Variants in DOCK3 observed in about 807,000 individuals in gnomAD.
The protein encoded by DOCK3 is dedicator of cytokinesis 3.
Under a neutral mutation model 265.6 loss-of-function variants are expected in DOCK3, and 60 were observed. That is an observed-to-expected ratio of 0.23 (90% CI 0.18 to 0.28). The LOEUF (loss-of-function observed/expected upper bound fraction) is 0.28, where lower values mean the gene tolerates loss of function less well. Ranked by LOEUF, DOCK3 falls within the 10% of genes least tolerant of loss-of-function variation. The probability of loss-of-function intolerance (pLI) is 1.00; values close to 1 mark genes in which losing one functional copy is unlikely to be tolerated. For missense variants in DOCK3, 1,981 were observed against 2,594.3 expected, an observed-to-expected ratio of 0.76 and a Z score of 5.14; for synonymous variants, 881 against 938.0, an observed-to-expected ratio of 0.94 and a Z score of 1.11.
chr3:50,747,732 C>T (rs942856350), intron 1 of DOCK3, among the ~76,000 whole-genome samples: 15 of 151,956 alleles, frequency 9.9e-5, no homozygotes, highest in African/African-American at 2.4e-4. Flanking sequence ...GGCATGGTGG[C>T]GCATGCCTAT....
At chr3:51,148,956 T>C (rs185482403) in intron 10 of DOCK3, among the ~76,000 whole-genome samples, 1 of 152,372 alleles carries the variant, frequency 6.6e-6, no homozygotes, top group African/African-American at 2.4e-5. Flanking sequence ...TTCACGATAC[T>C]GATTCTTCCT....
chr3:51,376,474 C>G (rs2088143755), intron 51 of DOCK3, among the ~76,000 whole-genome samples: 1 of 152,218 alleles, frequency 6.6e-6, no homozygotes, highest in South Asian at 2.1e-4. Flanking sequence ...ACCCTGTGTT[C>G]TGCTTCTGCA....
rs566180084 is a variant in DOCK3, at chr3:51,064,698, G to A, written c.464+102G>A. 9.9e-5 allele frequency: 140 copies of A among 1,411,376 alleles called. 2 individuals are homozygous for A. In the East Asian group the frequency reaches 1.7e-3, roughly 17 times the overall value. The allele number at this position is 1,411,376 out of a possible 1,614,324, so 87.4% of individuals were successfully genotyped here. A position where few individuals can be genotyped will look rare whatever the true frequency, so the allele number is the denominator to read the frequency against. On this transcript the variant is annotated intron_variant, in intron 6 of 52. Transcript: ENST00000266037. ...AAAGCTTCTCTTTAATGATTCAAAGGCAATGTTATATTCTTCACTAAGCTT... is the reference window on the plus strand; with the variant it reads ...AAAGCTTCTCTTTAATGATTCAAAGACAATGTTATATTCTTCACTAAGCTT...
chr3:50,755,562 A>G (rs1045430691), intron 1 of DOCK3, among the ~76,000 whole-genome samples: 4 of 152,204 alleles, frequency 2.6e-5, no homozygotes, highest in Non-Finnish European at 4.4e-5. Flanking sequence ...AATATACAAT[A>G]CATTGGTTTT....
At chr3:51,267,447 C>T (rs1245341566) in intron 23 of DOCK3, among the ~76,000 whole-genome samples, 11 of 148,310 alleles carry the variant, frequency 7.4e-5, no homozygotes, top group Admixed American at 4.8e-4. Context: ...TGCAATGGAG[C>T]GATCCCAGCT....
At chr3:51,203,198 T>C (rs2088929149) in intron 12 of DOCK3, among the ~76,000 whole-genome samples, 1 of 151,966 alleles carries the variant, frequency 6.6e-6, no homozygotes, top group African/African-American at 2.4e-5. Flanking sequence ...AAATAAAGGG[T>C]ATTCAATTAG....
chr3:51,328,213 C>CCTGTTTACACTGTTGTACT (rs2084278531), intron 32 of DOCK3, among the ~76,000 whole-genome samples: 1 of 152,092 alleles, frequency 6.6e-6, no homozygotes, highest in Non-Finnish European at 1.5e-5. Flanking sequence ...ACTGTTGTAC[C>CCTGTTTACACTGTTGTACT]CTGTTTACAC....
At chr3:50,921,312 T>G (rs926052345) in intron 4 of DOCK3, among the ~76,000 whole-genome samples, 1 of 152,210 alleles carries the variant, frequency 6.6e-6, no homozygotes, top group Non-Finnish European at 1.5e-5. Context: ...CTTCAGTCAC[T>G]GATACCCTTT....
intron 2 of DOCK3, among the ~76,000 whole-genome samples, chr3:50,796,084 A>G (rs1264929942): frequency 1.3e-5 from 2 of 149,836 alleles, no homozygotes; most frequent in Non-Finnish European, 3.0e-5. Flanking sequence ...TCTGTCCCCC[A>G]GGCTGGAGTG....
chr3:51,383,019 C>T lies in DOCK3; in HGVS notation c.*1460C>T, dbSNP rs1165148394. 6.6e-6 allele frequency: 1 copy of T among 152,148 alleles called. No individual in the cohort carries two copies. The highest frequency in any genetic ancestry group is 1.5e-5 in the Non-Finnish European group (1 of 68,028). 9.4% of individuals were successfully genotyped at this position (152,148 alleles called of 1,614,324 possible). A position where few individuals can be genotyped will look rare whatever the true frequency, so the allele number is the denominator to read the frequency against. On this transcript the variant is annotated 3_prime_UTR_variant, in exon 53 of 53. Coordinates refer to ENST00000266037, the MANE Select transcript of DOCK3 (RefSeq NM_004947.5). ...CACATTAATGATGGTCACAAGGCTGCCTTGTTGGGCAGGCGTATTGCCCCC... is the reference window on the plus strand; with the variant it reads ...CACATTAATGATGGTCACAAGGCTGTCTTGTTGGGCAGGCGTATTGCCCCC...
intron 5 of DOCK3, among the ~76,000 whole-genome samples, chr3:51,012,022 C>T (rs1485964657): frequency 6.6e-6 from 1 of 152,174 alleles, no homozygotes; most frequent in African/African-American, 2.4e-5. Context: ...TGTGAGCTGT[C>T]AGTCTGCCCC....
At chr3:50,939,770 G>T (rs1575578037) in intron 5 of DOCK3, among the ~76,000 whole-genome samples, 1 of 151,988 alleles carries the variant, frequency 6.6e-6, no homozygotes. Context: ...AGCAAATGTG[G>T]TAATGATGAT....
chr3:51,214,289 G>C, intron 14 of DOCK3, 42 bp downstream of exon 14: 1 of 1,607,822 alleles, frequency 6.2e-7, no homozygotes, highest in Non-Finnish European at 8.5e-7. Context: ...GATGGGTTAG[G>C]ATGGAATCTG....
intron 40 of DOCK3, among the ~76,000 whole-genome samples, chr3:51,351,250 A>G (rs967204381): frequency 6.6e-6 from 1 of 152,154 alleles, no homozygotes; most frequent in Non-Finnish European, 1.5e-5. Context: ...CCCAGTTCCA[A>G]TATCTTTAAC....
At chr3:51,367,952 T>A (rs1365528815) in intron 49 of DOCK3, among the ~76,000 whole-genome samples, 1 of 152,216 alleles carries the variant, frequency 6.6e-6, no homozygotes, top group Non-Finnish European at 1.5e-5. Flanking sequence ...CTTTGGTGAA[T>A]CTGACAATTA....
chr3:50,779,791 G>C (rs2041822708), intron 2 of DOCK3, among the ~76,000 whole-genome samples: 1 of 152,154 alleles, frequency 6.6e-6, no homozygotes, highest in African/African-American at 2.4e-5. Context: ...GTGTTCTTCA[G>C]AATCTGTAAT....
chr3:51,370,244 GT>G (rs1285942086), intron 49 of DOCK3, among the ~76,000 whole-genome samples: 1 of 152,200 alleles, frequency 6.6e-6, no homozygotes, highest in East Asian at 1.9e-4. Flanking sequence ...TGCAGAAACA[GT>G]TTCTGTAATC....
chr3:50,922,254 G>T (rs531473396), intron 4 of DOCK3, among the ~76,000 whole-genome samples: 1 of 152,330 alleles, frequency 6.6e-6, no homozygotes, highest in East Asian at 1.9e-4. Flanking sequence ...CCTCAGCAAT[G>T]GCAGACGCCC....
chr3:51,003,877 A>G lies in DOCK3; in HGVS notation c.316-60571A>G, dbSNP rs937467527. Reference sequence around the variant, plus strand: ...TGTGGGGGAAAAACTGCTAGCCACTATAGGATATTACCAAAAAATTAATAC... The same window carrying G: ...TGTGGGGGAAAAACTGCTAGCCACTGTAGGATATTACCAAAAAATTAATAC... On this transcript the variant is annotated intron_variant, in intron 5 of 52. Coordinates refer to ENST00000266037, the MANE Select transcript of DOCK3 (RefSeq NM_004947.5). Among the ~76,000 whole-genome samples the G allele has an allele frequency of 5.9e-5, 9 of 152,214 alleles. No homozygotes were observed. In the East Asian group the frequency reaches 1.7e-3, roughly 29 times the overall value.
Sources: allele counts gnomAD v4.1 joint callset (sites outside exome capture counted in the v4.1 genomes callset), GRCh38; gene constraint gnomAD v4.1.1; transcripts MANE v1.5; gene names NCBI Gene and HGNC (gene_info 2026-07-23, HGNC 2026-07-21).